SGCZ: variants seen among roughly 807,000 people sequenced by gnomAD.
SGCZ encodes the protein zeta-sarcoglycan.
In SGCZ, 40 loss-of-function variants were observed where a neutral mutation model predicts 41.3. The ratio of observed to expected loss-of-function variants is 0.97; its 90% CI spans 0.75 to 1.26. The LOEUF (loss-of-function observed/expected upper bound fraction) is 1.26. Among genes scored for constraint, SGCZ ranks in the 50% most tolerant of loss-of-function variants. SGCZ has a pLI of 0.00. For missense variants in SGCZ, 552 were observed against 369.8 expected (o/e 1.49, Z -4.04); for synonymous variants, 206 against 137.5 (o/e 1.50, Z -3.49).
intron 1 of SGCZ, among the ~76,000 whole-genome samples, chr8:14,569,163 A>T (rs974151928): frequency 6.6e-6 from 1 of 152,198 alleles, no homozygotes; most frequent in Non-Finnish European, 1.5e-5. Context: ...ATCACATTAA[A>T]TATAATATAT....
chr8:14,513,153 T>C (rs1282725224), intron 2 of SGCZ, among the ~76,000 whole-genome samples: 1 of 151,894 alleles, frequency 6.6e-6, no homozygotes, highest in Non-Finnish European at 1.5e-5. Flanking sequence ...AGCAATCCTC[T>C]TGCCTCAGCC....
chr8:14,434,223 G>T (rs551656834), intron 2 of SGCZ, among the ~76,000 whole-genome samples: 113 of 152,234 alleles, frequency 7.4e-4, no homozygotes, highest in African/African-American at 2.6e-3. Flanking sequence ...GTTGAATAGG[G>T]TGTCCTTTCT....
At chr8:14,394,322 T>C (rs149321410) in intron 2 of SGCZ, among the ~76,000 whole-genome samples, 1,926 of 152,036 alleles carry the variant, frequency 0.013, 18 homozygotes, top group Non-Finnish European at 0.02. Flanking sequence ...AGCTAATTTT[T>C]GTGTTTCTAA....
At chr8:14,336,502 G>C (rs1802512255) in intron 2 of SGCZ, among the ~76,000 whole-genome samples, 1 of 152,060 alleles carries the variant, frequency 6.6e-6, no homozygotes, top group Admixed American at 6.6e-5. Context: ...TTAGCTCTTT[G>C]AGAAACTGCC....
At chr8:14,643,040 T>C (rs1051040756) in intron 1 of SGCZ, among the ~76,000 whole-genome samples, 1 of 151,714 alleles carries the variant, frequency 6.6e-6, no homozygotes, top group South Asian at 2.1e-4. Context: ...GATTTTCTTT[T>C]CTATAAAGCA....
At chr8:14,607,210 T>G (rs965792964) in intron 1 of SGCZ, among the ~76,000 whole-genome samples, 64 of 152,170 alleles carry the variant, frequency 4.2e-4, no homozygotes, top group African/African-American at 1.5e-3. Context: ...AGACATATAC[T>G]GAAAATTAAA....
intron 1 of SGCZ, among the ~76,000 whole-genome samples, chr8:15,194,418 C>G (rs188001692): frequency 6.6e-6 from 1 of 152,250 alleles, no homozygotes; most frequent in African/African-American, 2.4e-5. Flanking sequence ...TAATATTCCC[C>G]CATACACACA....
chr8:14,596,738 G>C (rs1433303578), intron 1 of SGCZ, among the ~76,000 whole-genome samples: 1 of 152,072 alleles, frequency 6.6e-6, no homozygotes, highest in Non-Finnish European at 1.5e-5. Flanking sequence ...TTAAAACCTA[G>C]ATGATGCGTT....
chr8:14,398,656 C>T (rs745797175), intron 2 of SGCZ, among the ~76,000 whole-genome samples: 1 of 151,994 alleles, frequency 6.6e-6, no homozygotes, highest in Non-Finnish European at 1.5e-5. Flanking sequence ...ACTGAGGAAT[C>T]AGAAAAGGAA....
chr8:14,429,348 C>T (rs1361647444), intron 2 of SGCZ, among the ~76,000 whole-genome samples: 1 of 152,082 alleles, frequency 6.6e-6, no homozygotes, highest in Non-Finnish European at 1.5e-5. Flanking sequence ...AGGCATAAAG[C>T]CTGGGCTATC....
intron 1 of SGCZ, chr8:14,879,168 A>T (rs1226130745): frequency 6.6e-6 from 1 of 152,158 alleles, no homozygotes; most frequent in Non-Finnish European, 1.5e-5. Context: ...TCTTAAAAAA[A>T]ATTTAAAAAG....
chr8:14,403,942 T>A (rs921519973), intron 2 of SGCZ, among the ~76,000 whole-genome samples: 3 of 152,078 alleles, frequency 2.0e-5, no homozygotes, highest in Non-Finnish European at 4.4e-5. Context: ...TTTATGGTAA[T>A]TTGAAGGAAG....
chr8:14,570,327 A>G (rs1037933784), intron 1 of SGCZ, among the ~76,000 whole-genome samples: 1 of 152,152 alleles, frequency 6.6e-6, no homozygotes, highest in Non-Finnish European at 1.5e-5. Context: ...CTTTGAGGTA[A>G]GTCTTCCTCA....
At chr8:14,717,713 C>T (rs1237250970) in intron 1 of SGCZ, among the ~76,000 whole-genome samples, 1 of 152,024 alleles carries the variant, frequency 6.6e-6, no homozygotes, top group Non-Finnish European at 1.5e-5. Flanking sequence ...CTGCACTGGG[C>T]CTCACAAATG....
At chr8:14,140,300 C>A (rs758428157) in intron 5 of SGCZ, among the ~76,000 whole-genome samples, 24 of 152,180 alleles carry the variant, frequency 1.6e-4, no homozygotes, top group Middle Eastern at 6.8e-3. Flanking sequence ...ATTCAACATA[C>A]TGTTGAAAGT....
intron 1 of SGCZ, among the ~76,000 whole-genome samples, chr8:15,068,394 T>A (rs1262622412): frequency 6.6e-6 from 1 of 152,212 alleles, no homozygotes; most frequent in African/African-American, 2.4e-5. Context: ...AAATATGTAA[T>A]CATTATCACA....
At chr8:14,877,832 G>T (rs1804420043) in intron 1 of SGCZ, among the ~76,000 whole-genome samples, 1 of 151,710 alleles carries the variant, frequency 6.6e-6, no homozygotes, top group Admixed American at 6.6e-5. Context: ...TGATCACTCT[G>T]GTTACTTACA....
chr8:14,332,880 A>T (rs898033287), intron 2 of SGCZ, among the ~76,000 whole-genome samples: 1 of 150,376 alleles, frequency 6.6e-6, no homozygotes, highest in East Asian at 1.9e-4. Flanking sequence ...ATAGGTTTGT[A>T]TATATTATAT....
At chr8:15,043,964 GTT>G (rs1159850615) in intron 1 of SGCZ, among the ~76,000 whole-genome samples, 1 of 152,032 alleles carries the variant, frequency 6.6e-6, no homozygotes, top group African/African-American at 2.4e-5. Flanking sequence ...CTGGAAAAGA[GTT>G]TGAAAATCTT....
Sources: gnomAD v4.1 joint callset for allele counts (sites outside exome capture counted in the v4.1 genomes callset) on GRCh38, gnomAD v4.1.1 for gene constraint, MANE v1.5 for transcripts, NCBI Gene and HGNC (gene_info 2026-07-23, HGNC 2026-07-21) for gene names.